Variants in CCSER1 observed in about 807,000 individuals in gnomAD.
CCSER1 encodes the protein serine-rich coiled-coil domain-containing protein 1.
CCSER1 carries 41 observed loss-of-function variants against 82.0 expected under a neutral mutation model. The observed-to-expected ratio is 0.50, with a 90% confidence interval of 0.39 to 0.65. The LOEUF is 0.65. Among genes scored for constraint, CCSER1 ranks in the 30% least tolerant of loss-of-function variants. The pLI is 0.00. For missense variants in CCSER1, 1,119 were observed against 1,064.2 expected (o/e 1.05, Z -0.72); for synonymous variants, 414 against 383.9 (o/e 1.08, Z -0.92).
intron 10 of CCSER1, among the ~76,000 whole-genome samples, chr4:91,383,072 C>G (rs183089850): frequency 3.3e-5 from 5 of 151,692 alleles, no homozygotes; most frequent in African/African-American, 1.2e-4. Context: ...ATTACACATT[C>G]AGTATTATCA....
At chr4:90,755,437 G>A (rs1183112867) in intron 7 of CCSER1, among the ~76,000 whole-genome samples, 1 of 152,108 alleles carries the variant, frequency 6.6e-6, no homozygotes. Flanking sequence ...TAGTTAGTCA[G>A]TAAATACTTG....
Position 91,383,548 on chromosome 4 carries a change from A to G in CCSER1, c.2218-215024A>G, listed in dbSNP as rs184450165. Among the ~76,000 whole-genome samples the G allele has an allele frequency of 1.1e-3, 174 of 152,238 alleles. 2 individuals are homozygous for G. Among genetic ancestry groups the G allele is most frequent in the African/African-American group, 4.1e-3 (169 of 41,558 alleles). ...AAGATGTAAATACTAGTGAAACTTT[A>G]AGAGTTTAGGATAAATAGTTCAATC... On this transcript the variant is annotated intron_variant, in intron 10 of 10. Coordinates refer to ENST00000509176, the MANE Select transcript of CCSER1 (RefSeq NM_001145065.2).
chr4:90,312,789 A>T, intron 2 of CCSER1, 74 bp from the exon 3 acceptor site: 3 of 1,162,718 alleles, frequency 2.6e-6, no homozygotes, highest in Non-Finnish European at 2.4e-6. Context: ...GTTTTTCATG[A>T]TCTTTCAGTG....
chr4:90,963,049 A>G (rs1367702037), intron 9 of CCSER1, among the ~76,000 whole-genome samples: 2 of 152,156 alleles, frequency 1.3e-5, no homozygotes, highest in African/African-American at 4.8e-5. Context: ...ATCATATTGG[A>G]TTTCAATACA....
intron 1 of CCSER1, among the ~76,000 whole-genome samples, chr4:90,141,408 A>G (rs1438389521): frequency 1.3e-5 from 2 of 152,220 alleles, no homozygotes; most frequent in Non-Finnish European, 2.9e-5. Flanking sequence ...AAAACAAGGG[A>G]TGAAAGGTAA....
chr4:90,951,255 G>T (rs1182915676), intron 9 of CCSER1: 1 of 151,944 alleles, frequency 6.6e-6, no homozygotes, highest in Non-Finnish European at 1.5e-5. Context: ...TTAACACAAA[G>T]CTTTTCCTCT....
In CCSER1 at chr4:91,122,152, T is replaced by C. The variant is rs565430243; in HGVS notation, c.2217+36158T>C. Reference sequence around the variant, plus strand: ...AGCTTGACTCAGGAAAAGATGCTTGTCTTTAAAAGTTATTTTAACAAGTGA... The same window carrying C: ...AGCTTGACTCAGGAAAAGATGCTTGCCTTTAAAAGTTATTTTAACAAGTGA... On this transcript the variant is annotated intron_variant, in intron 10 of 10. Transcript: ENST00000509176. 2.6e-5 allele frequency among the ~76,000 whole-genome samples: 4 copies of C among 151,864 alleles called. No homozygotes were observed. The South Asian group carries it at 6.2e-4, about 24-fold the overall frequency.
intron 10 of CCSER1, among the ~76,000 whole-genome samples, chr4:91,119,420 C>T (rs1352463013): frequency 6.6e-6 from 1 of 151,880 alleles, no homozygotes; most frequent in Non-Finnish European, 1.5e-5. Context: ...CCCCTGAGAA[C>T]ATTTCTAGAC....
chr4:90,588,986 CA>C (rs1782361109), intron 5 of CCSER1, among the ~76,000 whole-genome samples: 1 of 152,138 alleles, frequency 6.6e-6, no homozygotes, highest in African/African-American at 2.4e-5. Context: ...GACTCTACAT[CA>C]TAGTATTCCA....
rs528755690 is a variant in CCSER1, at chr4:90,969,298, A to AT, written c.2172+45851_2172+45852insT. 4.7e-4 allele frequency among the ~76,000 whole-genome samples: 71 copies of AT among 152,162 alleles called. 1 individual carries two copies. The East Asian group carries it at 0.014, about 29-fold the overall frequency. On this transcript the variant is annotated intron_variant, in intron 9 of 10. Coordinates refer to ENST00000509176, the MANE Select transcript of CCSER1 (RefSeq NM_001145065.2). ...GGGATATGAACATCCACGTTCATGA[A>AT]GTTAAAAGATTTCTAAAACAGAATA...
intron 9 of CCSER1, among the ~76,000 whole-genome samples, chr4:91,071,844 T>G (rs1262565222): frequency 6.6e-6 from 1 of 152,182 alleles, no homozygotes; most frequent in Non-Finnish European, 1.5e-5. Context: ...ACCACCATGA[T>G]TGCATGCTAA....
At chr4:91,071,214 A>G (rs1319653644) in intron 9 of CCSER1, among the ~76,000 whole-genome samples, 1 of 152,218 alleles carries the variant, frequency 6.6e-6, no homozygotes, top group Non-Finnish European at 1.5e-5. Context: ...AAACATAAAA[A>G]CAAAGATCCC....
At chr4:91,280,515 G>A (rs534274742) in intron 10 of CCSER1, among the ~76,000 whole-genome samples, 3 of 152,280 alleles carry the variant, frequency 2.0e-5, no homozygotes, top group East Asian at 1.9e-4. Context: ...AAGTACACAG[G>A]TGCTGAGAGA....
intron 3 of CCSER1, among the ~76,000 whole-genome samples, chr4:90,355,287 T>G (rs919612737): frequency 6.6e-6 from 1 of 151,240 alleles, no homozygotes; most frequent in African/African-American, 2.4e-5. Flanking sequence ...TATATTATAG[T>G]AAAAGAAAGA....
chr4:90,615,220 A>C (rs1720958000), intron 5 of CCSER1, among the ~76,000 whole-genome samples: 1 of 152,138 alleles, frequency 6.6e-6, no homozygotes, highest in Non-Finnish European at 1.5e-5. Flanking sequence ...ATTCTGATGG[A>C]GAGGTATGAG....
At chr4:91,222,806 A>G (rs1737858818) in intron 10 of CCSER1, among the ~76,000 whole-genome samples, 1 of 152,184 alleles carries the variant, frequency 6.6e-6, no homozygotes, top group African/African-American at 2.4e-5. Context: ...TGTAGTTAGT[A>G]CAACTGGGAA....
chr4:91,058,290 C>T (rs1281385356), intron 9 of CCSER1, among the ~76,000 whole-genome samples: 1 of 151,930 alleles, frequency 6.6e-6, no homozygotes, highest in Non-Finnish European at 1.5e-5. Context: ...ATTACATACA[C>T]CATGGAATAC....
intron 9 of CCSER1, among the ~76,000 whole-genome samples, chr4:90,978,457 A>G (rs1280625754): frequency 2.0e-5 from 3 of 151,612 alleles, no homozygotes; most frequent in Non-Finnish European, 3.0e-5. Context: ...TGTCTTTCCA[A>G]AATGTCTATT....
intron 10 of CCSER1, among the ~76,000 whole-genome samples, chr4:91,090,373 G>T (rs755886145): frequency 2.0e-5 from 3 of 152,010 alleles, no homozygotes; most frequent in Non-Finnish European, 4.4e-5. Flanking sequence ...ATTCTGGGTG[G>T]GCTCAAACAG....
Sources: gnomAD v4.1 joint callset for allele counts (sites outside exome capture counted in the v4.1 genomes callset) on GRCh38, gnomAD v4.1.1 for gene constraint, MANE v1.5 for transcripts, NCBI Gene and HGNC (gene_info 2026-07-23, HGNC 2026-07-21) for gene names.